SAMD5: variants seen among roughly 807,000 people sequenced by gnomAD.
The protein encoded by SAMD5 is sterile alpha motif domain-containing protein 5.
In SAMD5, 13 loss-of-function variants were observed where a neutral mutation model predicts 11.3. The ratio of observed to expected loss-of-function variants is 1.15; its 90% CI spans 0.75 to 1.83. SAMD5 has a LOEUF of 1.83. SAMD5 is among the 40% of genes most tolerant of loss of function. The probability of loss-of-function intolerance (pLI) is 0.00; values close to 1 mark genes in which losing one functional copy is unlikely to be tolerated. For missense variants in SAMD5, 255 were observed against 239.1 expected (o/e 1.07, Z -0.44); for synonymous variants, 129 against 111.3 (o/e 1.16, Z -1.00).
downstream of SAMD5, among the ~76,000 whole-genome samples, chr6:147,572,422 G>A (rs844632): frequency 0.063 from 9,507 of 152,106 alleles, 450 homozygotes; most frequent in African/African-American, 0.14. Context: ...ACTCAATTAG[G>A]TTTTCTGTTG....
the SAMD5 span, among the ~76,000 whole-genome samples, chr6:147,935,750 G>C: frequency 3.3e-5 from 5 of 152,116 alleles, no homozygotes; most frequent in Non-Finnish European, 7.4e-5. Flanking sequence ...TAGATCTGTG[G>C]AACTTGCTAT....
the SAMD5 span, among the ~76,000 whole-genome samples, chr6:147,806,898 G>C: frequency 6.6e-6 from 1 of 152,106 alleles, no homozygotes; most frequent in East Asian, 1.9e-4. Context: ...CCTTGTAAGA[G>C]ACATCAAAGC....
Position 147,569,851 on chromosome 6 carries a change from T to C in SAMD5, c.*5395T>C, listed in dbSNP as rs903934846. 5.1e-6 allele frequency: 5 copies of C among 984,984 alleles called. No homozygotes were observed. Among genetic ancestry groups the C allele is most frequent in the Admixed American group, 1.2e-4 (2 of 16,274 alleles). The allele number at this position is 984,984 out of a possible 1,614,324, so 61.0% of individuals were successfully genotyped here. On this transcript the variant is annotated 3_prime_UTR_variant, in exon 2 of 2. Transcript: ENST00000367474. ...TTTGGTTTTGTAAATGTAATTGCAA[T>C]TGACACTTTCTTTTCCCTTTCAGTT... is the stretch of plus-strand genomic sequence containing the variant.
the SAMD5 span, among the ~76,000 whole-genome samples, chr6:147,940,891 G>A: frequency 6.6e-6 from 1 of 152,160 alleles, no homozygotes; most frequent in African/African-American, 2.4e-5. Flanking sequence ...GAACTCCGGA[G>A]GCGGAGATTG....
intron 1 of SAMD5, among the ~76,000 whole-genome samples, chr6:147,718,999 T>C (rs1447679550): frequency 6.6e-6 from 1 of 152,218 alleles, no homozygotes; most frequent in Non-Finnish European, 1.5e-5. Flanking sequence ...CCGAAGTGTC[T>C]CTTTTAACAA....
At chr6:147,811,034 A>G in the SAMD5 span, among the ~76,000 whole-genome samples, 1 of 152,228 alleles carries the variant, frequency 6.6e-6, no homozygotes, top group African/African-American at 2.4e-5. Context: ...AACATTGGGC[A>G]AGGTATTTAA....
chr6:147,882,918 A>C, the SAMD5 span, among the ~76,000 whole-genome samples: 38 of 152,352 alleles, frequency 2.5e-4, no homozygotes, highest in African/African-American at 7.7e-4. Context: ...GAGAAGATCA[A>C]AATATATGGT....
the SAMD5 span, among the ~76,000 whole-genome samples, chr6:147,896,755 A>AAAAACAAACAAAC: frequency 2.1e-5 from 3 of 142,422 alleles, no homozygotes; most frequent in Non-Finnish European, 3.0e-5. Context: ...AAAAAAAAAA[A>AAAAACAAACAAAC]AAAAAAAACG....
At chr6:147,693,875 A>G (rs1353901723) in intron 1 of SAMD5, among the ~76,000 whole-genome samples, 1 of 152,158 alleles carries the variant, frequency 6.6e-6, no homozygotes, top group Non-Finnish European at 1.5e-5. Context: ...AGGCTGAGGC[A>G]GGAGAATCGC....
At chr6:147,861,686 T>G in the SAMD5 span, among the ~76,000 whole-genome samples, 1 of 152,208 alleles carries the variant, frequency 6.6e-6, no homozygotes, top group Non-Finnish European at 1.5e-5. Flanking sequence ...TAGGTTTCTG[T>G]TGGACTGGGA....
chr6:147,801,489 C>T, the SAMD5 span, among the ~76,000 whole-genome samples: 6 of 152,204 alleles, frequency 3.9e-5, no homozygotes, highest in Admixed American at 2.0e-4. Context: ...AGGAGAAAGG[C>T]GAAAGAAAGG....
At chr6:147,864,964 G>A in the SAMD5 span, among the ~76,000 whole-genome samples, 1 of 152,178 alleles carries the variant, frequency 6.6e-6, no homozygotes, top group Admixed American at 6.5e-5. Context: ...AGTGAAACCT[G>A]CAAGATTTGC....
chr6:147,901,869 C>A, the SAMD5 span, among the ~76,000 whole-genome samples: 2 of 152,170 alleles, frequency 1.3e-5, no homozygotes, highest in Non-Finnish European at 2.9e-5. Flanking sequence ...CTACCAATAT[C>A]CCTGTTCCAC....
At chr6:147,771,159 A>G in the SAMD5 span, among the ~76,000 whole-genome samples, 2 of 152,240 alleles carry the variant, frequency 1.3e-5, no homozygotes. Context: ...GAAAAATGGT[A>G]GGTTCCAAGC....
the SAMD5 span, among the ~76,000 whole-genome samples, chr6:147,846,563 G>A: frequency 6.6e-6 from 1 of 152,130 alleles, no homozygotes; most frequent in Non-Finnish European, 1.5e-5. Context: ...CACGTGCAGT[G>A]GCTCCCAGCA....
chr6:147,548,101 A>G lies in SAMD5; in HGVS notation c.460-16293A>G, dbSNP rs141507114. ...CATAAAATCTCATTTAATAAGTTCA[A>G]CAAGAAAAAATATAATAATAGCCAA... On this transcript the variant is annotated intron_variant, in intron 1 of 1. Coordinates refer to ENST00000367474, the MANE Select transcript of SAMD5 (RefSeq NM_001030060.3). Among the ~76,000 whole-genome samples the G allele has an allele frequency of 3.6e-3, 532 of 149,454 alleles. 4 individuals are homozygous for G. The highest frequency in any genetic ancestry group is 0.013 in the African/African-American group (497 of 38,788).
chr6:147,599,952 A>AGAGGTGTGTATGGGACCAG (rs1214144070), intron 1 of SAMD5, among the ~76,000 whole-genome samples: 9 of 152,076 alleles, frequency 5.9e-5, no homozygotes, highest in African/African-American at 1.4e-4. Flanking sequence ...TATAGGACCA[A>AGAGGTGTGTATGGGACCAG]GAGGTGTGTA....
intron 1 of SAMD5, among the ~76,000 whole-genome samples, chr6:147,704,610 G>T (rs1791300088): frequency 6.6e-6 from 1 of 152,146 alleles, no homozygotes; most frequent in South Asian, 2.1e-4. Flanking sequence ...AAGATTGGAA[G>T]AAGAATATAT....
At chr6:147,747,699 A>G in the SAMD5 span, among the ~76,000 whole-genome samples, 1 of 152,028 alleles carries the variant, frequency 6.6e-6, no homozygotes, top group African/African-American at 2.4e-5. Flanking sequence ...TTTTTAGTAG[A>G]GACTGGGTTT....
Sources: allele counts gnomAD v4.1 joint callset (sites outside exome capture counted in the v4.1 genomes callset), GRCh38; gene constraint gnomAD v4.1.1; transcripts MANE v1.5; gene names NCBI Gene and HGNC (gene_info 2026-07-23, HGNC 2026-07-21).